ZNF184: variants seen among roughly 807,000 people sequenced by gnomAD.
ZNF184 encodes the protein zinc finger protein 184.
A neutral mutation model predicts 54.4 loss-of-function variants in ZNF184; 16 were observed. The ratio of observed to expected loss-of-function variants is 0.29; its 90% confidence interval spans 0.20 to 0.45. The LOEUF is 0.45. ZNF184 is among the 20% of genes least tolerant of loss of function. The pLI is 1.00. For missense variants in ZNF184, 681 were observed against 888.2 expected (o/e 0.77, Z 2.97); for synonymous variants, 254 against 295.3 (o/e 0.86, Z 1.43).
chr6:27,471,142 C>T (rs7745380), intron 2 of ZNF184, among the ~76,000 whole-genome samples: 98,545 of 151,470 alleles, frequency 0.65, 32,323 homozygotes, highest in Middle Eastern at 0.75. Flanking sequence ...GAGAGAACTC[C>T]ATAGGGACAT....
chr6:27,420,542 T>A, the ZNF184 span, among the ~76,000 whole-genome samples: 1 of 152,144 alleles, frequency 6.6e-6, no homozygotes, highest in African/African-American at 2.4e-5. Flanking sequence ...CTGTGAAGAA[T>A]GTCCCGCCAC....
In ZNF184 at chr6:27,452,492, T is replaced by C; in HGVS notation, c.1067A>G (p.His356Arg). The change falls in exon 6 of 6, where the codon CAT becomes CGT. Residue 356 changes from histidine (H) to arginine (R), a missense_variant. His to Arg is a conservative substitution (Grantham distance 29). Transcript: ENST00000683788. This position sits in a 1 kb window ranked among gnomAD's most constrained non-coding sequence, Gnocchi z 5.5. ...RGHFMEHQKI[H>R]TGEKPFKCDE... ...ACATTTAAAAGGTTTTTCTCCCGTA[T>C]GAATTTTCTGATGTTCCATAAAGTG... 1 of 1,614,186 alleles carries C rather than the reference T, an allele frequency of 6.2e-7. No individual in the cohort carries two copies. Among genetic ancestry groups the C allele is most frequent in the Non-Finnish European group, 8.5e-7 (1 of 1,180,040 alleles).
chr6:27,449,674 A>G (rs1339631738), downstream of ZNF184, among the ~76,000 whole-genome samples: 1 of 152,156 alleles, frequency 6.6e-6, no homozygotes, highest in Non-Finnish European at 1.5e-5. Flanking sequence ...GCATCCTTTA[A>G]GCCCAGTTTG....
intron 3 of ZNF184, among the ~76,000 whole-genome samples, chr6:27,465,484 C>CAAAAAAAAAAAAAAA (rs60538455): frequency 8.5e-5 from 3 of 35,170 alleles, no homozygotes; most frequent in African/African-American, 1.0e-4. Context: ...GACTCCATCT[C>CAAAAAAAAAAAAAAA]AAAAAAAAAA....
intron 3 of ZNF184, among the ~76,000 whole-genome samples, chr6:27,467,001 C>A (rs1359826763): frequency 6.6e-6 from 1 of 152,162 alleles, no homozygotes; most frequent in Non-Finnish European, 1.5e-5. Context: ...TTGCCATAAT[C>A]CATCTCTTCC....
the ZNF184 span, among the ~76,000 whole-genome samples, chr6:27,421,876 C>T: frequency 6.6e-6 from 1 of 152,040 alleles, no homozygotes. Context: ...TTGAGACCAG[C>T]ATGGGCAACA....
At chr6:27,423,910 A>T in the ZNF184 span, among the ~76,000 whole-genome samples, 2 of 152,214 alleles carry the variant, frequency 1.3e-5, no homozygotes, top group African/African-American at 2.4e-5. Context: ...GTTTATTTGG[A>T]ATCTCTAGCA....
chr6:27,433,610 C>T, the ZNF184 span, among the ~76,000 whole-genome samples: 1 of 152,204 alleles, frequency 6.6e-6, no homozygotes, highest in Non-Finnish European at 1.5e-5. Flanking sequence ...TTGTGTCTGG[C>T]TTATTTCACT....
chr6:27,468,411 T>A (rs1763195594), intron 2 of ZNF184, among the ~76,000 whole-genome samples: 1 of 152,316 alleles, frequency 6.6e-6, no homozygotes, highest in East Asian at 1.9e-4. Context: ...ATAAAGCAAT[T>A]AGAACTTTTT....
At chr6:27,466,810 G>A (rs902879660) in intron 3 of ZNF184, among the ~76,000 whole-genome samples, 18 of 152,146 alleles carry the variant, frequency 1.2e-4, no homozygotes. Flanking sequence ...GCTTGAGGTT[G>A]ATTATGGCTG....
At chr6:27,446,598 G>C (rs1324818134), downstream of ZNF184, among the ~76,000 whole-genome samples, 1 of 152,194 alleles carries the variant, frequency 6.6e-6, no homozygotes, top group East Asian at 1.9e-4. Flanking sequence ...GAAATGCGGG[G>C]TCAGAGCTGA....
Position 27,452,657 on chromosome 6 carries a change from G to A in ZNF184, c.902C>T (p.Thr301Ile). ...ATCACATTTATATGGTTTTTCTCCA[G>A]TATGAATTCTTTGATGTTGAGTAAG... The part of the protein sequence containing the change: ...PSLTQHQRIH[T>I]GEKPYKCDEC... The change falls in exon 6 of 6, where the codon ACT becomes ATT. Residue 301 changes from threonine (T) to isoleucine (I), a missense_variant. Transcript: ENST00000683788. This position sits in a 1 kb window ranked among gnomAD's most constrained non-coding sequence, Gnocchi z 5.5. 6.2e-7 allele frequency: 1 copy of A among 1,613,702 alleles called. No homozygotes were observed. The highest frequency in any genetic ancestry group is 8.5e-7 in the Non-Finnish European group (1 of 1,179,934).
the ZNF184 span, among the ~76,000 whole-genome samples, chr6:27,444,049 C>A: frequency 1.3e-5 from 2 of 152,190 alleles, no homozygotes; most frequent in African/African-American, 2.4e-5. Flanking sequence ...AGGAGATACC[C>A]TTTGAGATAA....
At chr6:27,433,314 C>A in the ZNF184 span, among the ~76,000 whole-genome samples, 8 of 152,170 alleles carry the variant, frequency 5.3e-5, no homozygotes, top group Non-Finnish European at 1.5e-5. Context: ...CATCACATTA[C>A]CCTATTTCAT....
the ZNF184 span, among the ~76,000 whole-genome samples, chr6:27,439,961 T>C: frequency 2.6e-5 from 4 of 152,208 alleles, no homozygotes; most frequent in Non-Finnish European, 4.4e-5. Flanking sequence ...GAGATGAAAC[T>C]GACTTCTTAT....
At chr6:27,418,774 T>C in the ZNF184 span, among the ~76,000 whole-genome samples, 1 of 152,170 alleles carries the variant, frequency 6.6e-6, no homozygotes, top group Non-Finnish European at 1.5e-5. Flanking sequence ...CTTTATTTGC[T>C]CCACATTCTC....
At position 27,457,313 on chromosome 6, in the gene ZNF184, A is replaced by G. The variant is rs758552695; in HGVS notation, c.172T>C (p.Leu58=). 2.5e-6 allele frequency: 4 copies of G among 1,613,942 alleles called. No individual in the cohort carries two copies. The highest frequency in any genetic ancestry group is 1.7e-5 in the Admixed American group (1 of 59,990). The change falls in exon 4 of 6, where the codon TTG becomes CTG. Residue 58 remains leucine, a synonymous_variant. Transcript: ENST00000683788. ...GQRDLFRDVT[L]ENYTHLVSIG... ...GAGACCAGGTGTGTATAATTTTCCAATGTCACATCCCTGAACAAATCTCTC... is the reference window on the plus strand; with the variant it reads ...GAGACCAGGTGTGTATAATTTTCCAGTGTCACATCCCTGAACAAATCTCTC...
In ZNF184 at chr6:27,452,629, T is replaced by C. The variant is rs367764198; in HGVS notation, c.930A>G (p.Glu310=). The change falls in exon 6 of 6, where the codon GAA becomes GAG. Residue 310 remains glutamate (E), a synonymous_variant. Coordinates refer to ENST00000683788, the MANE Select transcript of ZNF184 (RefSeq NM_001318891.2). The surrounding 1 kb of genome is among the most constrained non-coding windows in gnomAD (Gnocchi z 5.5). ...TCCTCTGACTAAAGGCTTTCCCACATTCATCACATTTATATGGTTTTTCTC... is the reference window on the plus strand; with the variant it reads ...TCCTCTGACTAAAGGCTTTCCCACACTCATCACATTTATATGGTTTTTCTC... ...HTGEKPYKCD[E]CGKAFSQRTH... 1.9e-6 allele frequency: 3 copies of C among 1,613,948 alleles called. No individual in the cohort carries two copies. Among genetic ancestry groups the C allele is most frequent in the Non-Finnish European group, 2.5e-6 (3 of 1,180,006 alleles).
At chr6:27,409,817 A>G in the ZNF184 span, among the ~76,000 whole-genome samples, 5,431 of 152,280 alleles carry the variant, frequency 0.036, 204 homozygotes, top group African/African-American at 0.095. Flanking sequence ...GAACTATAAT[A>G]TCCTAGGCCT....
Sources: allele counts gnomAD v4.1 joint callset (sites outside exome capture counted in the v4.1 genomes callset), GRCh38; gene constraint gnomAD v4.1.1; non-coding constraint Gnocchi (gnomAD v3.1); transcripts MANE v1.5; gene names NCBI Gene and HGNC (gene_info 2026-07-23, HGNC 2026-07-21).